MYO3B: variants seen among roughly 807,000 people sequenced by gnomAD.
The protein encoded by MYO3B is myosin IIIB.
In MYO3B, 156 loss-of-function variants were observed where a neutral mutation model predicts 174.6. The ratio of observed to expected loss-of-function variants is 0.89; its 90% confidence interval spans 0.78 to 1.02. The LOEUF is 1.02. MYO3B is among the 50% of genes least tolerant of loss of function. The pLI is 0.00. For synonymous variants in MYO3B, 563 were observed against 569.1 expected, an observed-to-expected ratio of 0.99 and a Z score of 0.15; for missense variants, 1,632 against 1,639.4, an observed-to-expected ratio of 1.00 and a Z score of 0.08.
rs1437347561 is a variant in MYO3B, at chr2:170,200,122, C to A, written c.187-28C>A. ...CCCTTCCTTACACATTAGATTTAAT[C>A]CAGCTTGCATTTTTCTACCCTGTTT... On this transcript the variant is annotated intron_variant, in intron 2 of 34. Coordinates refer to ENST00000408978, the MANE Select transcript of MYO3B (RefSeq NM_138995.5). 1.5e-5 allele frequency: 24 copies of A among 1,602,082 alleles called. 1 individual carries two copies. Among genetic ancestry groups the A allele is most frequent in the East Asian group, 2.2e-5 (1 of 44,730 alleles).
chr2:170,318,720 G>A (rs751867219), intron 7 of MYO3B, among the ~76,000 whole-genome samples: 43 of 152,272 alleles, frequency 2.8e-4, no homozygotes, highest in Non-Finnish European at 5.0e-4. Flanking sequence ...AGTAGCTGTG[G>A]TGCTGTAATT....
At chr2:170,392,045 C>T (rs2094415339) in intron 15 of MYO3B, among the ~76,000 whole-genome samples, 2 of 149,762 alleles carry the variant, frequency 1.3e-5, no homozygotes, top group African/African-American at 4.9e-5. Flanking sequence ...ACTGCTTGAA[C>T]CTGGGAGGTC....
chr2:170,560,768 G>A (rs1691657065), intron 32 of MYO3B, among the ~76,000 whole-genome samples: 1 of 152,120 alleles, frequency 6.6e-6, no homozygotes, highest in African/African-American at 2.4e-5. Context: ...CTGCATTTGT[G>A]CAGAAATCAG....
chr2:170,215,478 GTCT>G (rs1266649689), intron 5 of MYO3B, among the ~76,000 whole-genome samples: 2 of 152,042 alleles, frequency 1.3e-5, no homozygotes, highest in African/African-American at 4.8e-5. Flanking sequence ...TGAAGGTTTA[GTCT>G]TCTAAATGAG....
chr2:170,451,797 A>C (rs781143340), intron 23 of MYO3B, among the ~76,000 whole-genome samples: 83 of 152,184 alleles, frequency 5.5e-4, no homozygotes, highest in Non-Finnish European at 9.3e-4. Context: ...TAGGGTGAGG[A>C]AAGCTTGCAG....
intron 30 of MYO3B, among the ~76,000 whole-genome samples, chr2:170,533,203 C>T (rs1689469062): frequency 6.6e-6 from 1 of 152,122 alleles, no homozygotes. Flanking sequence ...AGTCAGCACT[C>T]ACTGCACACA....
chr2:170,607,874 T>C (rs1006675121), intron 32 of MYO3B, among the ~76,000 whole-genome samples: 5 of 152,226 alleles, frequency 3.3e-5, no homozygotes, highest in African/African-American at 1.2e-4. Context: ...GAACAAAGCT[T>C]GTAGAAATCA....
intron 7 of MYO3B, among the ~76,000 whole-genome samples, chr2:170,323,971 G>C (rs1427772701): frequency 1.3e-5 from 2 of 152,156 alleles, no homozygotes; most frequent in Non-Finnish European, 2.9e-5. Context: ...GACTGAGTTG[G>C]TGAGAAATTG....
At chr2:170,583,904 T>TA (rs1268543648) in intron 32 of MYO3B, among the ~76,000 whole-genome samples, 2 of 152,082 alleles carry the variant, frequency 1.3e-5, no homozygotes, top group Non-Finnish European at 2.9e-5. Context: ...ACAGTAAACT[T>TA]AAAAAAAATT....
chr2:170,519,534 A>G lies in MYO3B; in HGVS notation c.3569A>G (p.Lys1190Arg). 1 of 1,613,762 alleles carries G rather than the reference A, an allele frequency of 6.2e-7. No individual in the cohort carries two copies. Among genetic ancestry groups the G allele is most frequent in the Non-Finnish European group, 8.5e-7 (1 of 1,179,696 alleles). The change falls in exon 30 of 35, where the codon AAA becomes AGA. Residue 1190 changes from lysine (K) to arginine (R), a missense_variant. Coordinates refer to ENST00000408978, the MANE Select transcript of MYO3B (RefSeq NM_138995.5). ...TSSNSPAVTEKNGHSQAQSSP... is the reference protein window; with the variant it reads ...TSSNSPAVTERNGHSQAQSSP... The stretch of plus-strand genomic sequence containing the variant: ...AGCAACTCTCCTGCTGTCACAGAGA[A>G]AAATGGGTGAGCATTATCTGCTAAG...
chr2:170,643,001 T>A (rs1698093700), intron 32 of MYO3B, among the ~76,000 whole-genome samples: 1 of 151,962 alleles, frequency 6.6e-6, no homozygotes, highest in South Asian at 2.1e-4. Flanking sequence ...GTTCTTAACC[T>A]TGACTACACA....
rs1695355649 is a variant in MYO3B, at chr2:170,614,960, C to G, written c.3734-36668C>G. On this transcript the variant is annotated intron_variant, in intron 32 of 34. Coordinates refer to ENST00000408978, the MANE Select transcript of MYO3B (RefSeq NM_138995.5). ...CCTTGCTCACTAATCTAGCTTTTGC[C>G]TCCAACACAGTCTTGAAACTGATGT... Among the ~76,000 whole-genome samples, 3 of 152,122 alleles carry G rather than the reference C, an allele frequency of 2.0e-5. No homozygotes were observed. The South Asian group carries it at 6.2e-4, about 32-fold the overall frequency.
intron 32 of MYO3B, among the ~76,000 whole-genome samples, chr2:170,636,187 G>C (rs533699373): frequency 1.3e-5 from 2 of 152,298 alleles, no homozygotes; most frequent in Non-Finnish European, 2.9e-5. Context: ...ATAAGAGTTT[G>C]TTGGCCATAC....
chr2:170,410,098 G>T (rs1478395708), intron 22 of MYO3B, among the ~76,000 whole-genome samples: 1 of 152,150 alleles, frequency 6.6e-6, no homozygotes, highest in Admixed American at 6.5e-5. Flanking sequence ...CTTTGGAAAA[G>T]AATATGCTAA....
At position 170,188,947 on chromosome 2, in the gene MYO3B, T is replaced by C. The variant is rs192119718; in HGVS notation, c.3-10261T>C. ...TGTGCTTACTATTGCCAGTGAGTTTTGTACCTTCAAATAATTTATTCTTGC... is the reference window on the plus strand; with the variant it reads ...TGTGCTTACTATTGCCAGTGAGTTTCGTACCTTCAAATAATTTATTCTTGC... On this transcript the variant is annotated intron_variant, in intron 1 of 34. Coordinates refer to ENST00000408978, the MANE Select transcript of MYO3B (RefSeq NM_138995.5). Among the ~76,000 whole-genome samples the C allele has an allele frequency of 2.6e-5, 4 of 152,352 alleles. No individual in the cohort carries two copies. In the East Asian group the frequency reaches 7.7e-4, roughly 29 times the overall value.
intron 32 of MYO3B, among the ~76,000 whole-genome samples, chr2:170,563,149 C>G (rs1020647345): frequency 4.0e-5 from 6 of 150,158 alleles, no homozygotes; most frequent in Non-Finnish European, 7.4e-5. Context: ...CACACACATA[C>G]ACACACACAC....
intron 32 of MYO3B, among the ~76,000 whole-genome samples, chr2:170,580,704 A>C (rs915074653): frequency 6.9e-6 from 1 of 144,298 alleles, no homozygotes; most frequent in African/African-American, 2.6e-5. Flanking sequence ...TTCAGGTCCC[A>C]CAAAACCTTA....
In MYO3B at chr2:170,527,690, T is replaced by C. The variant is rs571219882; in HGVS notation, c.3575+8150T>C. Among the ~76,000 whole-genome samples the C allele has an allele frequency of 1.1e-4, 16 of 152,342 alleles. No individual in the cohort carries two copies. The South Asian group carries it at 2.7e-3, about 26-fold the overall frequency. On this transcript the variant is annotated intron_variant, in intron 30 of 34. Coordinates refer to ENST00000408978, the MANE Select transcript of MYO3B (RefSeq NM_138995.5). ...CTGCCTCTGTTCTGGCCCAGGTTTG[T>C]GTCCAACTACCTCAATGACCTTGGG...
intron 8 of MYO3B, among the ~76,000 whole-genome samples, chr2:170,342,779 C>A (rs143997581): frequency 7.8e-4 from 119 of 151,914 alleles, no homozygotes; most frequent in African/African-American, 2.7e-3. Flanking sequence ...GCCAAGAGTC[C>A]CAAGACCACA....
Sources: allele counts gnomAD v4.1 joint callset (sites outside exome capture counted in the v4.1 genomes callset), GRCh38; gene constraint gnomAD v4.1.1; transcripts MANE v1.5; gene names NCBI Gene and HGNC (gene_info 2026-07-23, HGNC 2026-07-21).